Variants in LDLRAD3 observed in about 807,000 individuals in gnomAD.
The protein encoded by LDLRAD3 is low-density lipoprotein receptor class A domain-containing protein 3.
In LDLRAD3, 20 loss-of-function variants were observed where a neutral mutation model predicts 29.4. That is an observed-to-expected ratio of 0.68 (90% CI 0.48 to 0.99). The LOEUF is 0.99. Among genes scored for constraint, LDLRAD3 ranks in the 50% least tolerant of loss-of-function variants. LDLRAD3 has a pLI of 0.00. For missense variants in LDLRAD3, 420 were observed against 454.3 expected, an observed-to-expected ratio of 0.92 and a Z score of 0.69; for synonymous variants, 157 against 192.7, an observed-to-expected ratio of 0.81 and a Z score of 1.53.
chr11:35,966,727 C>T (rs368754042), intron 1 of LDLRAD3, among the ~76,000 whole-genome samples: 86 of 152,252 alleles, frequency 5.6e-4, no homozygotes, highest in Admixed American at 1.0e-3. Flanking sequence ...TTACCCACCT[C>T]ATGTAATGGT....
chr11:35,982,848 C>CTTTT (rs61605411), intron 1 of LDLRAD3, among the ~76,000 whole-genome samples: 21 of 88,746 alleles, frequency 2.4e-4, no homozygotes, highest in Non-Finnish European at 2.9e-4. Context: ...CTGTTTGCTG[C>CTTTT]TTTTTTTTTT....
intron 1 of LDLRAD3, among the ~76,000 whole-genome samples, chr11:36,010,418 A>G (rs1199243846): frequency 6.6e-6 from 1 of 152,208 alleles, no homozygotes; most frequent in Non-Finnish European, 1.5e-5. Context: ...CAACTCTTTG[A>G]TTCCCAAATG....
intron 4 of LDLRAD3, among the ~76,000 whole-genome samples, chr11:36,224,953 G>A (rs1040608026): frequency 6.6e-5 from 10 of 152,136 alleles, no homozygotes; most frequent in Admixed American, 2.6e-4. Flanking sequence ...AATAACAACA[G>A]CACTCATTTT....
chr11:36,220,054 A>G (rs779471993), intron 4 of LDLRAD3, among the ~76,000 whole-genome samples: 8 of 152,258 alleles, frequency 5.3e-5, no homozygotes, highest in Non-Finnish European at 7.3e-5. Context: ...GTGGCAAATC[A>G]GTACATGAAC....
At chr11:36,184,426 ATAT>A (rs1565286564) in intron 4 of LDLRAD3, among the ~76,000 whole-genome samples, 1 of 152,088 alleles carries the variant, frequency 6.6e-6, no homozygotes, top group Non-Finnish European at 1.5e-5. Context: ...TCTATTTCTG[ATAT>A]CTGCTGTTTT....
Position 36,010,581 on chromosome 11 carries a change from C to T in LDLRAD3, c.47-25522C>T, listed in dbSNP as rs550149522. ...TCAAAAACGGATGATGTTGGCTTCTCCTTGTGTATAAAGTTAAGTCCAAGT... is the reference window on the plus strand; with the variant it reads ...TCAAAAACGGATGATGTTGGCTTCTTCTTGTGTATAAAGTTAAGTCCAAGT... On this transcript the variant is annotated intron_variant, in intron 1 of 5. Coordinates refer to ENST00000315571, the MANE Select transcript of LDLRAD3 (RefSeq NM_174902.4). Among the ~76,000 whole-genome samples the T allele has an allele frequency of 1.2e-3, 188 of 152,272 alleles. 2 individuals carry two copies. The highest frequency in any genetic ancestry group is 0.01 in the Middle Eastern group (3 of 294).
At position 36,229,157 on chromosome 11, in the gene LDLRAD3, C is replaced by T. The variant is rs1179680433; in HGVS notation, c.801-3C>T. 1 of 1,610,916 alleles carries T rather than the reference C, an allele frequency of 6.2e-7. No homozygotes were observed. The highest frequency in any genetic ancestry group is 2.2e-5 in the East Asian group (1 of 44,848). On this transcript the variant is annotated splice_polypyrimidine_tract_variant and splice_region_variant and intron_variant, in intron 5 of 5. Coordinates refer to ENST00000315571, the MANE Select transcript of LDLRAD3 (RefSeq NM_174902.4). The stretch of plus-strand genomic sequence containing the variant: ...CCCTGCCCCCCTGCTGTCCCCATCA[C>T]AGGCCTGCGTGGTATGACCTTCCTC...
intron 4 of LDLRAD3, among the ~76,000 whole-genome samples, chr11:36,161,099 G>A (rs1854432970): frequency 6.6e-6 from 1 of 152,152 alleles, no homozygotes; most frequent in African/African-American, 2.4e-5. Context: ...CTGGCCAGAA[G>A]CAGGATCTTG....
intron 1 of LDLRAD3, among the ~76,000 whole-genome samples, chr11:35,978,860 C>A (rs1851506380): frequency 6.6e-6 from 1 of 152,140 alleles, no homozygotes; most frequent in Non-Finnish European, 1.5e-5. Flanking sequence ...TATGCTTATC[C>A]TCTGAGGGGC....
At chr11:36,160,939 C>A (rs977139443) in intron 4 of LDLRAD3, among the ~76,000 whole-genome samples, 5 of 152,152 alleles carry the variant, frequency 3.3e-5, no homozygotes, top group Non-Finnish European at 7.3e-5. Flanking sequence ...GGATTACAGG[C>A]ACCTGCAACC....
chr11:36,172,689 G>T (rs532132695), intron 4 of LDLRAD3, among the ~76,000 whole-genome samples: 75 of 152,124 alleles, frequency 4.9e-4, no homozygotes, highest in African/African-American at 1.8e-3. Context: ...CTTGATCATG[G>T]TTGGATTATC....
intron 4 of LDLRAD3, among the ~76,000 whole-genome samples, chr11:36,162,776 A>G (rs1854461695): frequency 6.6e-6 from 1 of 152,214 alleles, no homozygotes; most frequent in Non-Finnish European, 1.5e-5. Context: ...TTGCAATGGA[A>G]ATGCCCAATT....
At chr11:36,156,091 C>G (rs568681944) in intron 4 of LDLRAD3, among the ~76,000 whole-genome samples, 1 of 152,210 alleles carries the variant, frequency 6.6e-6, no homozygotes, top group African/African-American at 2.4e-5. Context: ...ATTGACTCTG[C>G]TGATTCGAGG....
intron 4 of LDLRAD3, among the ~76,000 whole-genome samples, chr11:36,125,391 A>C (rs549488680): frequency 5.3e-5 from 8 of 152,318 alleles, no homozygotes; most frequent in African/African-American, 1.7e-4. Context: ...AAATAGGAAT[A>C]ATGATATTGT....
chr11:36,174,692 G>A (rs535010041), intron 4 of LDLRAD3, among the ~76,000 whole-genome samples: 39 of 152,234 alleles, frequency 2.6e-4, no homozygotes, highest in Non-Finnish European at 4.7e-4. Context: ...TTAGAATGGC[G>A]ATCATTAGGC....
chr11:36,159,762 G>A (rs930573496), intron 4 of LDLRAD3, among the ~76,000 whole-genome samples: 1 of 151,714 alleles, frequency 6.6e-6, no homozygotes, highest in Admixed American at 6.6e-5. Context: ...ACAGAGCGAG[G>A]CCCTCAAAAA....
intron 4 of LDLRAD3, among the ~76,000 whole-genome samples, chr11:36,187,853 C>T (rs1459682134): frequency 6.6e-6 from 1 of 152,072 alleles, no homozygotes; most frequent in Non-Finnish European, 1.5e-5. Flanking sequence ...GAAGACAGGC[C>T]AAGATAACGT....
chr11:35,992,170 G>C (rs143878688), intron 1 of LDLRAD3, among the ~76,000 whole-genome samples: 53 of 152,252 alleles, frequency 3.5e-4, no homozygotes, highest in African/African-American at 1.2e-3. Context: ...AAGATAGTAG[G>C]AAAGCAGTAT....
At chr11:36,167,337 C>T (rs893878486) in intron 4 of LDLRAD3, among the ~76,000 whole-genome samples, 6 of 152,202 alleles carry the variant, frequency 3.9e-5, no homozygotes, top group African/African-American at 1.4e-4. Flanking sequence ...GAAATATCTT[C>T]ACAGCTGCAT....
Sources: gnomAD v4.1 joint callset for allele counts (sites outside exome capture counted in the v4.1 genomes callset) on GRCh38, gnomAD v4.1.1 for gene constraint, MANE v1.5 for transcripts, NCBI Gene and HGNC (gene_info 2026-07-23, HGNC 2026-07-21) for gene names.